ULK2: variants seen among roughly 807,000 people sequenced by gnomAD.
ULK2 encodes the protein unc-51 like autophagy activating kinase 2, also known as serine/threonine-protein kinase ULK2.
A neutral mutation model predicts 127.5 loss-of-function variants in ULK2; 76 were observed. That is an observed-to-expected ratio of 0.60 (90% confidence interval 0.50 to 0.72). The LOEUF is 0.72. ULK2 is among the 30% of genes least tolerant of loss of function. ULK2 has a pLI of 0.00. For synonymous variants in ULK2, 452 were observed against 461.9 expected (o/e 0.98, Z 0.28); for missense variants, 1,144 against 1,295.9 (o/e 0.88, Z 1.80).
intron 3 of ULK2, among the ~76,000 whole-genome samples, chr17:19,851,162 A>C (rs1406184931): frequency 6.9e-6 from 1 of 145,854 alleles, no homozygotes; most frequent in East Asian, 2.0e-4. Flanking sequence ...AAAATACCAA[A>C]AAAAAAAAAA....
At chr17:19,814,208 C>T (rs2040910266) in intron 13 of ULK2, among the ~76,000 whole-genome samples, 1 of 150,846 alleles carries the variant, frequency 6.6e-6, no homozygotes, top group Non-Finnish European at 1.5e-5. Flanking sequence ...GCTCCATCTA[C>T]AAAAATGAGT....
In ULK2 at chr17:19,776,321, C is replaced by G; in HGVS notation, c.*28G>C. 3.2e-6 allele frequency: 5 copies of G among 1,583,984 alleles called. No homozygotes were observed. Among genetic ancestry groups the G allele is most frequent in the Non-Finnish European group, 4.3e-6 (5 of 1,166,378 alleles). On this transcript the variant is annotated 3_prime_UTR_variant, in exon 27 of 27. Coordinates refer to ENST00000395544, the MANE Select transcript of ULK2 (RefSeq NM_014683.4). Reference sequence around the variant, plus strand: ...CCAAAGGCATCACCTCACGTTCCCACCACCGGTCCACGGGATGAGCCTGCT... The same window carrying G: ...CCAAAGGCATCACCTCACGTTCCCAGCACCGGTCCACGGGATGAGCCTGCT...
rs1215867781 is a variant in ULK2 at position 19,796,219 on chromosome 17, G to A, written c.1873C>T (p.Arg625Cys). 1.2e-5 allele frequency: 19 copies of A among 1,614,004 alleles called. No individual in the cohort carries two copies. The Admixed American group carries it at 2.3e-4, about 20-fold the overall frequency. Reference protein sequence around the residue: ...ASSNLLALVTRHGPAEEQSKD... With the variant: ...ASSNLLALVTCHGPAEEQSKD... The stretch of plus-strand genomic sequence containing the variant: ...GACTGTTCTTCAGCAGGCCCATGAC[G>A]AGTAACCAAGGCTAACAGGTTGGAA... Residue 625 changes from arginine to cysteine, a missense_variant, in exon 19 of 27, where the codon CGT becomes TGT. Arg to Cys is a radical substitution (Grantham distance 180). Around this residue, in one of 2 missense-constraint regions of ULK2, gnomAD observed 913 missense variants for 970.5 expected, o/e 0.94. Transcript: ENST00000395544.
chr17:19,798,038 T>C (rs1442639712), intron 17 of ULK2, among the ~76,000 whole-genome samples: 2 of 152,186 alleles, frequency 1.3e-5, no homozygotes, highest in Middle Eastern at 3.2e-3. Context: ...AACAGGATGA[T>C]TGTTACTCTA....
intron 20 of ULK2, among the ~76,000 whole-genome samples, chr17:19,788,944 T>C (rs1314868955): frequency 6.6e-6 from 1 of 152,166 alleles, no homozygotes; most frequent in Non-Finnish European, 1.5e-5. Context: ...CAGGTAGATT[T>C]CTAAGGTTTT....
In ULK2 at chr17:19,797,601, A is replaced by G; in HGVS notation, c.1604T>C (p.Ile535Thr). 6.2e-7 allele frequency: 1 copy of G among 1,613,678 alleles called. No individual in the cohort carries two copies. The highest frequency in any genetic ancestry group is 8.5e-7 in the Non-Finnish European group (1 of 1,179,934). ...TCTGAGCTTCTGCTTGTTCTGATAG[A>G]TGTCAGTGAGGGTGGGGGCGCTCTG... is the stretch of plus-strand genomic sequence containing the variant. ...RLQSAPTLTD[I>T]YQNKQKLRKQ... The change falls in exon 18 of 27, where the codon ATC (isoleucine) becomes ACC (threonine). Residue 535 changes from isoleucine to threonine, a missense_variant. Physicochemically the swap from Ile to Thr is moderately conservative, Grantham distance 89. This residue lies in a region of ULK2 where 913 missense variants were observed against 970.5 expected (regional missense o/e 0.94). Transcript: ENST00000395544.
intron 3 of ULK2, among the ~76,000 whole-genome samples, chr17:19,858,156 T>G (rs569099603): frequency 6.6e-5 from 10 of 152,142 alleles, no homozygotes; most frequent in African/African-American, 2.4e-4. Flanking sequence ...TCCCAGCACT[T>G]TGGGAAGCCA....
In ULK2 at chr17:19,838,491, T is replaced by C. The variant is rs2041653197; in HGVS notation, c.787+10A>G. On this transcript the variant is annotated intron_variant, in intron 10 of 26. Coordinates refer to ENST00000395544, the MANE Select transcript of ULK2 (RefSeq NM_014683.4). ...TTAGAAAACATGCAAAAGTTAAAAC[T>C]ATTTCTTACCAAAGTCCATTCTATC... 6.2e-7 allele frequency: 1 copy of C among 1,601,978 alleles called. No individual in the cohort carries two copies. Among genetic ancestry groups the C allele is most frequent in the Middle Eastern group, 1.7e-4 (1 of 6,032 alleles).
Position 19,804,810 on chromosome 17 carries a change from G to A in ULK2, c.1178C>T (p.Ser393Leu). The stretch of plus-strand genomic sequence containing the variant: ...AATTGGTGCTGTTTCGCTGTGAGGT[G>A]ACACAGTAGGCTGACACTGCCTGCA... ...VCGGQCQPTV[S>L]PHSETAPIPV... Residue 393 changes from serine (S) to leucine (L), a missense_variant, in exon 15 of 27, where the codon TCA (serine) becomes TTA (leucine). Coordinates refer to ENST00000395544, the MANE Select transcript of ULK2 (RefSeq NM_014683.4). 1 of 1,612,926 alleles carries A rather than the reference G, an allele frequency of 6.2e-7. No individual in the cohort carries two copies. The highest frequency in any genetic ancestry group is 1.7e-4 in the Middle Eastern group (1 of 6,054).
At chr17:19,803,633 A>AGAT (rs1291723239) in intron 15 of ULK2, among the ~76,000 whole-genome samples, 4 of 152,196 alleles carry the variant, frequency 2.6e-5, no homozygotes, top group Non-Finnish European at 5.9e-5. Flanking sequence ...TAACTTGGAA[A>AGAT]TCTTTCTATC....
chr17:19,838,367 C>A (rs527302407), intron 10 of ULK2, 134 bp downstream of exon 10: 1 of 745,450 alleles, frequency 1.3e-6, no homozygotes, highest in East Asian at 2.9e-5. Context: ...TAAATATTTA[C>A]GAAACCAGTG....
chr17:19,830,550 T>C (rs1894528010), intron 10 of ULK2, among the ~76,000 whole-genome samples: 1 of 147,052 alleles, frequency 6.8e-6, no homozygotes, highest in African/African-American at 2.5e-5. Context: ...TCTTTTCCAA[T>C]CACAATGGAA....
intron 6 of ULK2, 74 bp from the exon 7 acceptor site, chr17:19,845,451 C>T (rs889034350): frequency 3.4e-6 from 4 of 1,168,766 alleles, no homozygotes; most frequent in African/African-American, 3.0e-5. Context: ...TATGATTCTT[C>T]GAGACACAAG....
At chr17:19,828,808 C>G (rs2041358603) in intron 10 of ULK2, among the ~76,000 whole-genome samples, 1 of 152,230 alleles carries the variant, frequency 6.6e-6, no homozygotes, top group Admixed American at 6.5e-5. Flanking sequence ...AATCTGTAAA[C>G]AGAACAGAGA....
intron 25 of ULK2, 134 bp downstream of exon 25, chr17:19,780,338 A>G: frequency 1.4e-6 from 1 of 695,490 alleles, no homozygotes; most frequent in Non-Finnish European, 2.1e-6. Flanking sequence ...TTACTTCTTT[A>G]GTAGAAGGCA....
At chr17:19,855,159 C>T (rs2042097625) in intron 3 of ULK2, among the ~76,000 whole-genome samples, 1 of 149,770 alleles carries the variant, frequency 6.7e-6, no homozygotes, top group Non-Finnish European at 1.5e-5. Flanking sequence ...AATCCCAGCA[C>T]TTTGGGAGGC....
intron 13 of ULK2, 132 bp downstream of exon 13, chr17:19,816,617 A>C (rs1186795622): frequency 1.4e-5 from 11 of 791,854 alleles, no homozygotes; most frequent in African/African-American, 1.8e-5. Flanking sequence ...AATTCTGAGA[A>C]TTCAAACAAC....
chr17:19,832,621 G>C (rs1375280243), intron 10 of ULK2, among the ~76,000 whole-genome samples: 1 of 151,998 alleles, frequency 6.6e-6, no homozygotes, highest in Non-Finnish European at 1.5e-5. Context: ...ACAAAGGATG[G>C]TAACTTACCA....
At chr17:19,839,595 G>A (rs2041686704) in intron 9 of ULK2, among the ~76,000 whole-genome samples, 1 of 149,718 alleles carries the variant, frequency 6.7e-6, no homozygotes, top group African/African-American at 2.5e-5. Context: ...CTGGGAGGTG[G>A]ATGTTGCAGT....
Sources: allele counts gnomAD v4.1 joint callset (sites outside exome capture counted in the v4.1 genomes callset), GRCh38; gene constraint gnomAD v4.1.1; regional missense constraint gnomAD v4.1.1; transcripts MANE v1.5; gene names NCBI Gene and HGNC (gene_info 2026-07-23, HGNC 2026-07-21).